DLC1: variants seen among roughly 807,000 people sequenced by gnomAD.
DLC1 encodes rho GTPase-activating protein 7.
A neutral mutation model predicts 140.3 loss-of-function variants in DLC1; 54 were observed. The ratio of observed to expected loss-of-function variants is 0.38; its 90% CI spans 0.31 to 0.48. DLC1 has a LOEUF of 0.48. Ranked by LOEUF, DLC1 falls within the 20% of genes least tolerant of loss-of-function variation. The pLI is 0.96. For synonymous variants in DLC1, 986 were observed against 728.1 expected, an observed-to-expected ratio of 1.35 and a Z score of -5.70; for missense variants, 2,536 against 1,907.0, an observed-to-expected ratio of 1.33 and a Z score of -6.14.
intron 5 of DLC1, among the ~76,000 whole-genome samples, chr8:13,291,485 A>T (rs1264299750): frequency 6.6e-6 from 1 of 152,174 alleles, no homozygotes; most frequent in Non-Finnish European, 1.5e-5. Flanking sequence ...GAAGAGAAAG[A>T]CCAATATCAG....
chr8:13,105,492 G>A (rs948289490), intron 7 of DLC1, among the ~76,000 whole-genome samples: 3 of 152,076 alleles, frequency 2.0e-5, no homozygotes, highest in African/African-American at 7.2e-5. Context: ...TACAGATGAG[G>A]AAATGGGGCT....
At chr8:13,362,552 C>T (rs577113332) in intron 4 of DLC1, among the ~76,000 whole-genome samples, 11 of 151,962 alleles carry the variant, frequency 7.2e-5, no homozygotes, top group African/African-American at 2.7e-4. Flanking sequence ...TGAACGTGGA[C>T]ATCTGTTTCT....
At chr8:13,562,291 A>G (rs533227465) in intron 1 of DLC1, among the ~76,000 whole-genome samples, 1 of 152,316 alleles carries the variant, frequency 6.6e-6, no homozygotes, top group Non-Finnish European at 1.5e-5. Context: ...CAAATAGACA[A>G]ACTGAGAAGA....
At chr8:13,462,203 C>G (rs1243732049) in intron 2 of DLC1, among the ~76,000 whole-genome samples, 1 of 152,032 alleles carries the variant, frequency 6.6e-6, no homozygotes, top group East Asian at 1.9e-4. Context: ...CAAATTCTAT[C>G]CAAACTCATT....
chr8:13,586,673 C>T (rs1465056395), intron 1 of DLC1, among the ~76,000 whole-genome samples: 7 of 149,402 alleles, frequency 4.7e-5, no homozygotes, highest in African/African-American at 7.4e-5. Flanking sequence ...AGAGACCCAA[C>T]GGTACCCTTC....
chr8:13,395,380 C>G (rs1836993272), intron 3 of DLC1, among the ~76,000 whole-genome samples: 1 of 152,144 alleles, frequency 6.6e-6, no homozygotes, highest in African/African-American at 2.4e-5. Context: ...CTTGGCCTCC[C>G]AAAAGCTGGG....
At chr8:13,363,074 C>A (rs1459329326) in intron 4 of DLC1, among the ~76,000 whole-genome samples, 2 of 152,210 alleles carry the variant, frequency 1.3e-5, no homozygotes, top group African/African-American at 4.8e-5. Context: ...TTTGCCATCA[C>A]AGAGCCTACA....
intron 5 of DLC1, among the ~76,000 whole-genome samples, chr8:13,156,386 G>A (rs1824257292): frequency 6.6e-6 from 1 of 152,162 alleles, no homozygotes; most frequent in Non-Finnish European, 1.5e-5. Context: ...AAGGTTACAA[G>A]GTGAGAGTGC....
In DLC1 at chr8:13,192,781, T is replaced by C. The variant is rs1050330557; in HGVS notation, c.1349-77124A>G. 8.5e-5 allele frequency among the ~76,000 whole-genome samples: 13 copies of C among 152,160 alleles called. 1 individual carries two copies. Among genetic ancestry groups the C allele is most frequent in the Admixed American group, 3.3e-4 (5 of 15,268 alleles). On this transcript the variant is annotated intron_variant, in intron 5 of 17. Coordinates refer to ENST00000276297, the MANE Select transcript of DLC1 (RefSeq NM_182643.3). The stretch of plus-strand genomic sequence containing the variant: ...TAAGAAGAGGAAGAGACACCAACGG[T>C]GCACAAAGGGATGACCCTCTGAGGG...
At chr8:13,373,052 G>A (rs1482013508) in intron 4 of DLC1, among the ~76,000 whole-genome samples, 4 of 152,048 alleles carry the variant, frequency 2.6e-5, no homozygotes, top group Non-Finnish European at 1.5e-5. Context: ...GTCTCATTCT[G>A]TTGCTCAGAC....
chr8:13,170,955 CT>C (rs1409377730), intron 5 of DLC1, among the ~76,000 whole-genome samples: 1 of 152,148 alleles, frequency 6.6e-6, no homozygotes, highest in Non-Finnish European at 1.5e-5. Context: ...CAAGAGACCA[CT>C]TTGCGACTGA....
intron 2 of DLC1, among the ~76,000 whole-genome samples, chr8:13,445,487 A>G (rs1291156787): frequency 6.6e-6 from 1 of 152,214 alleles, no homozygotes; most frequent in East Asian, 1.9e-4. Context: ...CCAACATTCT[A>G]CCCTCAACTC....
intron 5 of DLC1, among the ~76,000 whole-genome samples, chr8:13,276,077 C>G (rs1051456741): frequency 6.6e-6 from 1 of 152,224 alleles, no homozygotes; most frequent in Non-Finnish European, 1.5e-5. Flanking sequence ...ACACAAAAAT[C>G]TCAACACTCC....
chr8:13,488,867 C>T (rs1801099279), intron 2 of DLC1, among the ~76,000 whole-genome samples: 1 of 152,222 alleles, frequency 6.6e-6, no homozygotes, highest in Non-Finnish European at 1.5e-5. Context: ...TTCTACACCA[C>T]ACATAGCAAA....
chr8:13,554,590 C>T (rs929329315), intron 1 of DLC1, among the ~76,000 whole-genome samples: 1 of 152,082 alleles, frequency 6.6e-6, no homozygotes, highest in African/African-American at 2.4e-5. Flanking sequence ...GTTTCTCATC[C>T]TTAACTTTTC....
intron 5 of DLC1, among the ~76,000 whole-genome samples, chr8:13,239,496 T>C (rs1454757592): frequency 6.6e-6 from 1 of 152,130 alleles, no homozygotes; most frequent in East Asian, 1.9e-4. Context: ...AATTGCCAAG[T>C]GAGTGGTTAG....
At chr8:13,491,672 G>T (rs558225912) in intron 2 of DLC1, among the ~76,000 whole-genome samples, 1 of 152,232 alleles carries the variant, frequency 6.6e-6, no homozygotes, top group South Asian at 2.1e-4. Flanking sequence ...AATGATCTCA[G>T]TCTTGAAGGT....
chr8:13,476,917 C>T (rs1181575836), intron 2 of DLC1, among the ~76,000 whole-genome samples: 1 of 152,160 alleles, frequency 6.6e-6, no homozygotes, highest in East Asian at 1.9e-4. Context: ...CATAAGAAGA[C>T]AGCACAGTAA....
chr8:13,518,102 T>TTTTTTG (rs56411512), upstream of DLC1, among the ~76,000 whole-genome samples: 119,862 of 149,414 alleles, frequency 0.8, 47,924 homozygotes, highest in South Asian at 0.88. Context: ...CACCTTTCTT[T>TTTTTTG]TTTTTGTTTT....
Sources: gnomAD v4.1 joint callset for allele counts (sites outside exome capture counted in the v4.1 genomes callset) on GRCh38, gnomAD v4.1.1 for gene constraint, MANE v1.5 for transcripts, NCBI Gene and HGNC (gene_info 2026-07-23, HGNC 2026-07-21) for gene names.